TRPC3: variants seen among roughly 807,000 people sequenced by gnomAD.
The protein encoded by TRPC3 is transient receptor potential cation channel subfamily C member 3, also known as short transient receptor potential channel 3.
TRPC3 carries 54 observed loss-of-function variants against 90.9 expected under a neutral mutation model. That is an observed-to-expected ratio of 0.59 (90% confidence interval 0.48 to 0.75). TRPC3 has a LOEUF of 0.75. TRPC3 is among the 30% of genes least tolerant of loss of function. TRPC3 has a pLI of 0.00. For missense variants in TRPC3, 918 were observed against 1,194.5 expected, an observed-to-expected ratio of 0.77 and a Z score of 3.41; for synonymous variants, 424 against 450.9, an observed-to-expected ratio of 0.94 and a Z score of 0.75.
At chr4:121,903,952 A>G (rs1728794524) in intron 8 of TRPC3, among the ~76,000 whole-genome samples, 2 of 152,336 alleles carry the variant, frequency 1.3e-5, no homozygotes, top group South Asian at 4.1e-4. Context: ...CTGGATAAAG[A>G]ATACCATTAG....
intron 5 of TRPC3, 149 bp downstream of exon 5, chr4:121,911,728 T>C: frequency 1.2e-6 from 1 of 832,950 alleles, no homozygotes; most frequent in Non-Finnish European, 1.8e-6. Context: ...GCTAGAAAAT[T>C]ATTTGGTTAT....
intron 3 of TRPC3, among the ~76,000 whole-genome samples, chr4:121,919,269 T>C (rs1729422713): frequency 1.3e-5 from 2 of 152,248 alleles, no homozygotes; most frequent in African/African-American, 4.8e-5. Flanking sequence ...CAAATCAGCC[T>C]TCACAAGAAC....
chr4:121,893,120 C>CAG (rs1728388967), intron 10 of TRPC3, among the ~76,000 whole-genome samples: 1 of 105,640 alleles, frequency 9.5e-6, no homozygotes, highest in East Asian at 2.5e-4. Flanking sequence ...GACTCTGTCA[C>CAG]AAAAAAAAAA....
Position 121,876,523 on chromosome 4 carries a change from C to T in TRPC3, c.*3213G>A, listed in dbSNP as rs1242142719. Among the ~76,000 whole-genome samples the T allele has an allele frequency of 2.6e-5, 4 of 152,262 alleles. No individual in the cohort carries two copies. Among genetic ancestry groups the T allele is most frequent in the East Asian group, 1.9e-4 (1 of 5,184 alleles). On this transcript the variant is annotated 3_prime_UTR_variant, in exon 12 of 12. Coordinates refer to ENST00000379645, the MANE Select transcript of TRPC3 (RefSeq NM_001130698.2). ...TTCTCTTTAGACATTGTCCATCAGA[C>T]AATTTATCTTCCCATTTACAAAAGC...
intron 3 of TRPC3, 43 bp downstream of exon 3, chr4:121,924,973 CAT>C (rs749278708): frequency 1.1e-5 from 17 of 1,554,386 alleles, no homozygotes; most frequent in South Asian, 3.7e-5. Flanking sequence ...GTTTGTATCA[CAT>C]GTTTATTCTA....
At chr4:121,936,276 A>G (rs1299248050) in intron 1 of TRPC3, among the ~76,000 whole-genome samples, 2 of 152,334 alleles carry the variant, frequency 1.3e-5, no homozygotes, top group East Asian at 1.9e-4. Context: ...TTGACAATGT[A>G]TCTCTTCTAG....
intron 3 of TRPC3, among the ~76,000 whole-genome samples, chr4:121,917,036 T>G (rs899905367): frequency 1.3e-5 from 2 of 152,144 alleles, no homozygotes; most frequent in African/African-American, 4.8e-5. Flanking sequence ...TTCTGTTGTT[T>G]ATAAACCACC....
intron 10 of TRPC3, among the ~76,000 whole-genome samples, chr4:121,893,735 G>A (rs1443842614): frequency 6.6e-6 from 1 of 152,024 alleles, no homozygotes; most frequent in Non-Finnish European, 1.5e-5. Context: ...ACATTCTTAA[G>A]TCATAACACA....
intron 10 of TRPC3, among the ~76,000 whole-genome samples, chr4:121,891,953 T>A (rs543296450): frequency 6.6e-6 from 1 of 152,268 alleles, no homozygotes; most frequent in East Asian, 1.9e-4. Flanking sequence ...TAAATAATCC[T>A]TTTTTCCCCT....
chr4:121,881,090 C>CT (rs142881562), intron 11 of TRPC3, among the ~76,000 whole-genome samples: 28 of 152,206 alleles, frequency 1.8e-4, no homozygotes, highest in African/African-American at 6.7e-4. Context: ...AGGAGACCCC[C>CT]TGCCCTACTT....
Position 121,951,495 on chromosome 4 carries a change from G to T in TRPC3, c.186C>A (p.Cys62Ter). 7.4e-7 allele frequency: 1 copy of T among 1,346,302 alleles called. No individual in the cohort carries two copies. The highest frequency in any genetic ancestry group is 4.0e-5 in the Admixed American group (1 of 25,316). 83.4% of individuals were successfully genotyped at this position (1,346,302 alleles called of 1,614,324 possible). Residue 62 changes from cysteine to a stop codon, truncating the protein, a stop_gained, in exon 1 of 12, where the codon TGC becomes TGA. Transcript: ENST00000379645. LOFTEE classifies it high-confidence loss of function. This position sits in a 1 kb window ranked among gnomAD's most constrained non-coding sequence, Gnocchi z 4.4. Reference sequence around the variant, plus strand: ...CCGGCCCGTGGGAGAAGGGCGGCGGGCAGTAGCCGTGCGGCTCCCGCTGCG... The same window carrying T: ...CCGGCCCGTGGGAGAAGGGCGGCGGTCAGTAGCCGTGCGGCTCCCGCTGCG... The part of the protein sequence containing the change: ...APSQREPHGY[C>*]PPPFSHGPDL...
chr4:121,883,259 A>G (rs1426795720), intron 10 of TRPC3, among the ~76,000 whole-genome samples: 1 of 152,122 alleles, frequency 6.6e-6, no homozygotes, highest in Non-Finnish European at 1.5e-5. Context: ...ACAAGATTAA[A>G]ACTTCTGATT....
At chr4:121,897,173 G>A (rs1157556656) in intron 10 of TRPC3, among the ~76,000 whole-genome samples, 1 of 151,820 alleles carries the variant, frequency 6.6e-6, no homozygotes, top group African/African-American at 2.4e-5. Context: ...TGTAAGACCT[G>A]AAATGATAAA....
At chr4:121,925,356 C>T (rs1438203727) in intron 2 of TRPC3, 150 bp from the exon 3 acceptor site, 6 of 829,942 alleles carry the variant, frequency 7.2e-6, no homozygotes, top group Non-Finnish European at 1.1e-5. Context: ...TGAATACAGG[C>T]TGGATTTGCA....
intron 2 of TRPC3, among the ~76,000 whole-genome samples, chr4:121,929,722 C>T (rs1417405921): frequency 6.6e-6 from 1 of 151,932 alleles, no homozygotes. Context: ...GTGAAAACTG[C>T]AGAGTGGCTG....
chr4:121,940,238 G>C lies in TRPC3; in HGVS notation c.216-7196C>G, dbSNP rs72919980. Among the ~76,000 whole-genome samples, 599 of 152,282 alleles carry C rather than the reference G, an allele frequency of 3.9e-3. 3 individuals are homozygous for C. Among genetic ancestry groups the C allele is most frequent in the African/African-American group, 0.014 (582 of 41,570 alleles). On this transcript the variant is annotated intron_variant, in intron 1 of 11. Transcript: ENST00000379645. Reference sequence around the variant, plus strand: ...AAGCCTTCCCTCCTTGTCAATTCACGTAACTGCTTAATTGCTTAATTGACT... The same window carrying C: ...AAGCCTTCCCTCCTTGTCAATTCACCTAACTGCTTAATTGCTTAATTGACT...
At chr4:121,904,550 T>C (rs201222816) in intron 7 of TRPC3, 33 bp from the exon 8 acceptor site, 2 of 1,477,360 alleles carry the variant, frequency 1.4e-6, no homozygotes, top group East Asian at 2.4e-5. Flanking sequence ...AGTAAGTAAG[T>C]TAACAGTTTT....
At chr4:121,916,256 A>G (rs568803730) in intron 3 of TRPC3, among the ~76,000 whole-genome samples, 27 of 152,246 alleles carry the variant, frequency 1.8e-4, no homozygotes, top group African/African-American at 6.3e-4. Flanking sequence ...TAAAAAAGAA[A>G]GTCTCATCTC....
chr4:121,880,031 T>A (rs1458994390), intron 11 of TRPC3, among the ~76,000 whole-genome samples, 153 bp from the exon 12 acceptor site: 1 of 152,196 alleles, frequency 6.6e-6, no homozygotes, highest in Non-Finnish European at 1.5e-5. Context: ...TTAAGAAACA[T>A]CTGTCTTTAA....
Sources: gnomAD v4.1 joint callset for allele counts (sites outside exome capture counted in the v4.1 genomes callset) on GRCh38, gnomAD v4.1.1 for gene constraint, Gnocchi (gnomAD v3.1) non-coding constraint, MANE v1.5 for transcripts, NCBI Gene and HGNC (gene_info 2026-07-23, HGNC 2026-07-21) for gene names.